The following MORC1 variants were observed in gnomAD, a reference collection of about 807,000 sequenced individuals.
The protein encoded by MORC1 is MORC family CW-type zinc finger 1.
MORC1 carries 59 observed loss-of-function variants against 134.9 expected under a neutral mutation model. That is an observed-to-expected ratio of 0.44 (90% CI 0.35 to 0.54). The LOEUF (loss-of-function observed/expected upper bound fraction) is 0.54. MORC1 is among the 20% of genes least tolerant of loss of function. The probability of loss-of-function intolerance (pLI) is 0.00; values close to 1 mark genes in which losing one functional copy is unlikely to be tolerated. For missense variants in MORC1, 947 were observed against 1,134.5 expected, an observed-to-expected ratio of 0.83 and a Z score of 2.37; for synonymous variants, 395 against 391.7, an observed-to-expected ratio of 1.01 and a Z score of -0.10.
At chr3:109,102,036 T>C (rs890447544) in intron 4 of MORC1, among the ~76,000 whole-genome samples, 9 of 152,312 alleles carry the variant, frequency 5.9e-5, no homozygotes, top group Non-Finnish European at 7.4e-5. Flanking sequence ...CACTATGTCA[T>C]GGTAGGAGAA....
chr3:109,101,641 T>C (rs1950926873), intron 4 of MORC1: 1 of 152,212 alleles, frequency 6.6e-6, no homozygotes, highest in Non-Finnish European at 1.5e-5. Flanking sequence ...GGTTAGGCAT[T>C]AGGTAAGGAT....
intron 23 of MORC1, among the ~76,000 whole-genome samples, chr3:108,983,361 T>C (rs1157436): frequency 0.25 from 38,473 of 151,688 alleles, 5,051 homozygotes; most frequent in Middle Eastern, 0.42. Flanking sequence ...ATAGAGAAAA[T>C]AAGCAAGCTA....
rs142531507 is a variant in MORC1 at position 109,096,187 on chromosome 3, A to C, written c.424-1119T>G. 2.4e-3 allele frequency among the ~76,000 whole-genome samples: 364 copies of C among 152,336 alleles called. 3 individuals are homozygous for C. The highest frequency in any genetic ancestry group is 8.3e-3 in the African/African-American group (344 of 41,570). On this transcript the variant is annotated intron_variant, in intron 6 of 27. Transcript: ENST00000232603. ...TAAGAAAGACTTCTTGGAAATTAAG[A>C]ATATGATTACAGAAAAAAATTCAGT... is the stretch of plus-strand genomic sequence containing the variant.
At chr3:108,994,799 G>A (rs780118797) in intron 21 of MORC1, among the ~76,000 whole-genome samples, 3 of 151,892 alleles carry the variant, frequency 2.0e-5, no homozygotes, top group Non-Finnish European at 2.9e-5. Flanking sequence ...TCAGTTTTGC[G>A]GCTCATTTCA....
At chr3:108,974,315 C>G (rs143774543) in intron 24 of MORC1, among the ~76,000 whole-genome samples, 501 of 152,256 alleles carry the variant, frequency 3.3e-3, no homozygotes, top group Middle Eastern at 0.014. Flanking sequence ...CTATAGGATA[C>G]CAAAAATCAC....
chr3:108,997,616 G>A (rs1004523816), intron 21 of MORC1, among the ~76,000 whole-genome samples: 1 of 152,180 alleles, frequency 6.6e-6, no homozygotes, highest in Non-Finnish European at 1.5e-5. Context: ...GGACTCAGTG[G>A]GGGTAGGGAG....
intron 8 of MORC1, among the ~76,000 whole-genome samples, chr3:109,078,970 C>G (rs141366011): frequency 2.6e-5 from 4 of 151,968 alleles, no homozygotes; most frequent in African/African-American, 9.6e-5. Context: ...ACAGTCTTAG[C>G]ACCATTAAAA....
At chr3:108,993,800 T>A (rs1576607593) in intron 21 of MORC1, among the ~76,000 whole-genome samples, 1 of 152,218 alleles carries the variant, frequency 6.6e-6, no homozygotes, top group South Asian at 2.1e-4. Flanking sequence ...TTCTTTTTTA[T>A]CTGCTTTTAG....
intron 21 of MORC1, among the ~76,000 whole-genome samples, chr3:108,993,641 T>C (rs1489587476): frequency 6.6e-6 from 1 of 152,196 alleles, no homozygotes; most frequent in African/African-American, 2.4e-5. Context: ...CTTTTGAAAT[T>C]AAGGCAACTT....
chr3:109,041,444 G>A (rs1474345078), intron 14 of MORC1, among the ~76,000 whole-genome samples: 1 of 152,032 alleles, frequency 6.6e-6, no homozygotes, highest in Admixed American at 6.6e-5. Context: ...AGGCACAGTG[G>A]CTCACACCTG....
Position 109,103,872 on chromosome 3 carries a change from T to A in MORC1, c.200A>T (p.Asp67Val). 6.2e-7 allele frequency: 1 copy of A among 1,614,002 alleles called. No individual in the cohort carries two copies. The highest frequency in any genetic ancestry group is 1.1e-5 in the South Asian group (1 of 91,076). The stretch of plus-strand genomic sequence containing the variant: ...ACCAGGGCTCATGCCACATCCATCA[T>A]CCAGGAAACACAACATGAATCCCCC... Reference protein sequence around the residue: ...LQGGFMLCFLDDGCGMSPEEA... With the variant: ...LQGGFMLCFLVDGCGMSPEEA... The change falls in exon 4 of 28, where the codon GAT (aspartate) becomes GTT (valine). Residue 67 changes from aspartate to valine, a missense_variant. Around this residue, in one of 3 missense-constraint regions of MORC1, gnomAD observed 214 missense variants for 281.3 expected, o/e 0.76. Coordinates refer to ENST00000232603, the MANE Select transcript of MORC1 (RefSeq NM_014429.4).
intron 20 of MORC1, among the ~76,000 whole-genome samples, chr3:109,002,465 G>A (rs1225400698): frequency 1.3e-5 from 2 of 152,204 alleles, no homozygotes; most frequent in African/African-American, 4.8e-5. Flanking sequence ...AGATATAGCA[G>A]TGGGGTTGAC....
At chr3:109,108,747 A>G (rs1576754253) in intron 3 of MORC1, among the ~76,000 whole-genome samples, 1 of 152,112 alleles carries the variant, frequency 6.6e-6, no homozygotes, top group East Asian at 1.9e-4. Flanking sequence ...AATACAAAAA[A>G]AAATTAGCCG....
intron 8 of MORC1, among the ~76,000 whole-genome samples, chr3:109,083,287 G>GA: frequency 7.6e-6 from 1 of 131,348 alleles, no homozygotes; most frequent in East Asian, 2.3e-4. Context: ...TTTTCAATCT[G>GA]AAAAAAACAA....
intron 14 of MORC1, among the ~76,000 whole-genome samples, chr3:109,044,789 C>CA (rs1483364667): frequency 6.6e-6 from 1 of 150,738 alleles, no homozygotes; most frequent in Admixed American, 6.6e-5. Flanking sequence ...TACTAAAACA[C>CA]AAAAAATTAG....
In MORC1 at chr3:108,959,916, T is replaced by G. The variant is rs540902546; in HGVS notation, c.2800-796A>C. 3.9e-5 allele frequency among the ~76,000 whole-genome samples: 6 copies of G among 152,224 alleles called. 1 individual carries two copies. Among genetic ancestry groups the G allele is most frequent in the African/African-American group, 1.4e-4 (6 of 41,544 alleles). ...CATACATCAAATTTATGGTGAGGCT[T>G]GGGTGGAAGAATGGTAAAATCATTC... On this transcript the variant is annotated intron_variant, in intron 27 of 27. Coordinates refer to ENST00000232603, the MANE Select transcript of MORC1 (RefSeq NM_014429.4).
intron 26 of MORC1, 46 bp from the exon 27 acceptor site, chr3:108,963,654 C>A: frequency 7.9e-7 from 1 of 1,265,500 alleles, no homozygotes; most frequent in Non-Finnish European, 1.1e-6. Flanking sequence ...TAAAATATTA[C>A]TTTCCCTCTA....
At chr3:109,115,377 CCCA>C (rs1181895805) in intron 1 of MORC1, among the ~76,000 whole-genome samples, 4 of 151,274 alleles carry the variant, frequency 2.6e-5, no homozygotes. Context: ...AGAATATATC[CCCA>C]CATTTTGGAG....
chr3:109,068,432 C>T (rs1559933586), intron 9 of MORC1, among the ~76,000 whole-genome samples: 1 of 152,214 alleles, frequency 6.6e-6, no homozygotes, highest in Non-Finnish European at 1.5e-5. Flanking sequence ...AGCTTAGCTC[C>T]CACATATCAG....
Sources: allele counts gnomAD v4.1 joint callset (sites outside exome capture counted in the v4.1 genomes callset), GRCh38; gene constraint gnomAD v4.1.1; regional missense constraint gnomAD v4.1.1; transcripts MANE v1.5; gene names NCBI Gene and HGNC (gene_info 2026-07-23, HGNC 2026-07-21).